The following COL4A1 variants were observed in gnomAD, a reference collection of about 807,000 sequenced individuals.
COL4A1 encodes the protein collagen type IV alpha 1 chain.
A neutral mutation model predicts 216.6 loss-of-function variants in COL4A1; 40 were observed. The observed-to-expected ratio is 0.18, with a 90% CI of 0.14 to 0.24. The LOEUF is 0.24. Ranked by LOEUF, COL4A1 falls within the 10% of genes least tolerant of loss-of-function variation. COL4A1 has a pLI of 1.00. For synonymous variants in COL4A1, 839 were observed against 810.7 expected (o/e 1.03, Z -0.59); for missense variants, 1,628 against 2,196.8 (o/e 0.74, Z 5.18).
chr13:110,223,902 C>G (rs1265138058), intron 2 of COL4A1, among the ~76,000 whole-genome samples: 1 of 152,178 alleles, frequency 6.6e-6, no homozygotes, highest in Non-Finnish European at 1.5e-5. Context: ...GGGAAGCCAA[C>G]TGAGGAATGT....
chr13:110,219,876 A>ATATGTGTG (rs1389476001), intron 2 of COL4A1, among the ~76,000 whole-genome samples: 1 of 118,924 alleles, frequency 8.4e-6, no homozygotes, highest in East Asian at 2.4e-4. Context: ...GTGTGTATAT[A>ATATGTGTG]TGTATATATA....
At chr13:110,257,120 A>G (rs1425059829) in intron 1 of COL4A1, among the ~76,000 whole-genome samples, 1 of 152,218 alleles carries the variant, frequency 6.6e-6, no homozygotes, top group Non-Finnish European at 1.5e-5. Flanking sequence ...ACAGTTCCCA[A>G]AACCCAAAGA....
chr13:110,265,591 A>T (rs1191567152), intron 1 of COL4A1: 1 of 151,892 alleles, frequency 6.6e-6, no homozygotes, highest in Non-Finnish European at 1.5e-5. Flanking sequence ...CAGCCAACTG[A>T]CTCCACACAG....
chr13:110,254,396 G>A (rs1353471619), intron 1 of COL4A1, among the ~76,000 whole-genome samples: 1 of 152,194 alleles, frequency 6.6e-6, no homozygotes, highest in Non-Finnish European at 1.5e-5. Context: ...CCTCTGGGAA[G>A]TGATACACAG....
intron 29 of COL4A1, among the ~76,000 whole-genome samples, chr13:110,180,115 C>T (rs1341083358): frequency 6.6e-6 from 1 of 152,078 alleles, no homozygotes; most frequent in East Asian, 1.9e-4. Flanking sequence ...TGGTAACTTC[C>T]CTATTTGTCC....
At chr13:110,184,188 C>G (rs1566357180) in intron 26 of COL4A1, among the ~76,000 whole-genome samples, 1 of 152,192 alleles carries the variant, frequency 6.6e-6, no homozygotes, top group African/African-American at 2.4e-5. Context: ...AGGAGCCCTA[C>G]AGCTGTGGGG....
intron 1 of COL4A1, among the ~76,000 whole-genome samples, chr13:110,267,986 T>C (rs1883105573): frequency 6.6e-6 from 1 of 150,870 alleles, no homozygotes; most frequent in African/African-American, 2.4e-5. Flanking sequence ...CCAAACATCA[T>C]CAACACCTAG....
intron 1 of COL4A1, among the ~76,000 whole-genome samples, chr13:110,252,535 T>C (rs1231403865): frequency 0.049 from 94 of 1,922 alleles, 9 homozygotes; most frequent in African/African-American, 0.053. Flanking sequence ...ATTATACGTA[T>C]ATATGTATTA....
At chr13:110,260,749 C>T (rs1200018265) in intron 1 of COL4A1, among the ~76,000 whole-genome samples, 1 of 152,132 alleles carries the variant, frequency 6.6e-6, no homozygotes, top group Non-Finnish European at 1.5e-5. Flanking sequence ...GAACTCTACA[C>T]TTAAAAATGG....
intron 51 of COL4A1, among the ~76,000 whole-genome samples, chr13:110,150,827 G>A (rs2138415922): frequency 6.6e-6 from 1 of 152,268 alleles, no homozygotes; most frequent in African/African-American, 2.4e-5. Context: ...AACTCCTCCA[G>A]GGTAAGAAGA....
Position 110,207,572 on chromosome 13 carries a change from A to G in COL4A1, c.694-83T>C. ...AAATTGCAGAGAGAGGTAAAAGCCT[A>G]AAATAAAACACCTATTTTTAAAATG... On this transcript the variant is annotated intron_variant, in intron 12 of 51. Transcript: ENST00000375820. This position sits in a 1 kb window ranked among gnomAD's most constrained non-coding sequence, Gnocchi z 4.4. 1 of 1,018,452 alleles carries G rather than the reference A, an allele frequency of 9.8e-7. No homozygotes were observed. Among genetic ancestry groups the G allele is most frequent in the East Asian group, 2.4e-5 (1 of 42,144 alleles). 63.1% of individuals were successfully genotyped at this position (1,018,452 alleles called of 1,614,324 possible).
intron 1 of COL4A1, among the ~76,000 whole-genome samples, chr13:110,278,042 C>T (rs367765690): frequency 6.6e-5 from 10 of 152,152 alleles, no homozygotes; most frequent in Middle Eastern, 3.2e-3. Context: ...TTCTTATTTC[C>T]AGCCCCCTTC....
intron 44 of COL4A1, among the ~76,000 whole-genome samples, 194 bp from the exon 45 acceptor site, chr13:110,166,497 A>G (rs886861356): frequency 6.6e-6 from 1 of 152,250 alleles, no homozygotes; most frequent in Non-Finnish European, 1.5e-5. Context: ...ATGCATACAT[A>G]TACACATACA....
intron 1 of COL4A1, among the ~76,000 whole-genome samples, chr13:110,306,544 G>C (rs2139330730): frequency 6.6e-6 from 1 of 152,168 alleles, no homozygotes; most frequent in East Asian, 2.0e-4. Flanking sequence ...TCTCTGAGCA[G>C]CGCGGGGTGG....
chr13:110,161,137 A>G (rs1877064150), intron 49 of COL4A1, 55 bp downstream of exon 49: 1 of 1,559,482 alleles, frequency 6.4e-7, no homozygotes, highest in South Asian at 1.1e-5. Flanking sequence ...GCTTGTCCAG[A>G]CTAGAGACTT....
chr13:110,303,846 AAGG>A (rs1165634789), intron 1 of COL4A1, among the ~76,000 whole-genome samples: 32 of 152,246 alleles, frequency 2.1e-4, no homozygotes, highest in African/African-American at 7.7e-4. Context: ...TCATGGCAGG[AAGG>A]AGGTGTTCCC....
At chr13:110,220,811 G>A (rs1880443813) in intron 2 of COL4A1, among the ~76,000 whole-genome samples, 1 of 152,182 alleles carries the variant, frequency 6.6e-6, no homozygotes, top group South Asian at 2.1e-4. Context: ...AGTGGCTGGG[G>A]TCTGAGGGGT....
At chr13:110,199,057 T>A (rs866774950) in intron 20 of COL4A1, among the ~76,000 whole-genome samples, 1 of 152,170 alleles carries the variant, frequency 6.6e-6, no homozygotes, top group Non-Finnish European at 1.5e-5. Context: ...AAATCACAAC[T>A]AAGGACACAC....
intron 1 of COL4A1, among the ~76,000 whole-genome samples, chr13:110,289,595 C>G (rs544698511): frequency 6.6e-6 from 1 of 152,208 alleles, no homozygotes; most frequent in African/African-American, 2.4e-5. Flanking sequence ...CAAGTCGGTG[C>G]CCTTGCAGGT....
Sources: gnomAD v4.1 joint callset for allele counts (sites outside exome capture counted in the v4.1 genomes callset) on GRCh38, gnomAD v4.1.1 for gene constraint, Gnocchi (gnomAD v3.1) non-coding constraint, MANE v1.5 for transcripts, NCBI Gene and HGNC (gene_info 2026-07-23, HGNC 2026-07-21) for gene names.